Variants in SLC17A2 observed in about 807,000 individuals in gnomAD.
SLC17A2 encodes the protein sodium-dependent phosphate transport protein 3.
In SLC17A2, 38 loss-of-function variants were observed where a neutral mutation model predicts 52.1. That is an observed-to-expected ratio of 0.73 (90% CI 0.56 to 0.96). The LOEUF (loss-of-function observed/expected upper bound fraction) is 0.96, where lower values mean the gene tolerates loss of function less well. Among genes scored for constraint, SLC17A2 ranks in the 40% least tolerant of loss-of-function variants. The pLI, the probability that SLC17A2 is intolerant of heterozygous loss-of-function variation, is 0.00. For synonymous variants in SLC17A2, 226 were observed against 211.9 expected (o/e 1.07, Z -0.58); for missense variants, 508 against 583.9 (o/e 0.87, Z 1.34).
Position 25,921,138 on chromosome 6 carries a change from G to A in SLC17A2, c.474+41C>T, listed in dbSNP as rs773490597. 12 of 1,613,608 alleles carry A rather than the reference G, an allele frequency of 7.4e-6. No homozygotes were observed. The South Asian group carries it at 1.2e-4, about 16-fold the overall frequency. ...GACCTTTGATATTTTGTAGAATTCA[G>A]AAATCTGGATCCCACCAAGAATGAG... On this transcript the variant is annotated intron_variant, in intron 4 of 11. Transcript: ENST00000377850.
intron 5 of SLC17A2, among the ~76,000 whole-genome samples, chr6:25,920,695 T>C (rs1766517969): frequency 6.6e-6 from 1 of 152,194 alleles, no homozygotes; most frequent in South Asian, 2.1e-4. Flanking sequence ...GCTTACTTGA[T>C]CTTTTTCCAT....
intron 5 of SLC17A2, among the ~76,000 whole-genome samples, chr6:25,919,321 A>C (rs9467636): frequency 0.35 from 53,412 of 151,920 alleles, 10,485 homozygotes; most frequent in East Asian, 0.71. Context: ...TCCCAAACTG[A>C]AATTTGAAAA....
chr6:25,925,712 T>C, intron 2 of SLC17A2, 57 bp downstream of exon 2: 1 of 1,482,072 alleles, frequency 6.7e-7, no homozygotes. Context: ...TGTGTAAATG[T>C]GTCGGAATAA....
chr6:25,922,027 A>G (rs1376940223), intron 3 of SLC17A2, among the ~76,000 whole-genome samples: 1 of 151,318 alleles, frequency 6.6e-6, no homozygotes, highest in African/African-American at 2.4e-5. Flanking sequence ...AATAGATTTT[A>G]AAATAAATAA....
intron 10 of SLC17A2, 147 bp downstream of exon 10, chr6:25,915,350 TAA>T: frequency 1.4e-6 from 1 of 721,660 alleles, no homozygotes; most frequent in Non-Finnish European, 2.1e-6. Flanking sequence ...TTTGTTGTTC[TAA>T]AAATGGCCAC....
In SLC17A2 at chr6:25,921,379, C is replaced by A. The variant is rs759878101; in HGVS notation, c.274G>T (p.Gly92Cys). ...SVYQWSPETQ[G>C]IIFSSINYGI... ...TAGTTGATGGAGCTAAAGATGATAC[C>A]CTGAGTTTCTGGGCTCCATTGATAC... The change falls in exon 4 of 12, where the codon GGT (glycine) becomes TGT (cysteine). Residue 92 changes from glycine (G) to cysteine (C), a missense_variant. Coordinates refer to ENST00000377850, the MANE Select transcript of SLC17A2 (RefSeq NM_001286123.3). 3.7e-6 allele frequency: 6 copies of A among 1,613,950 alleles called. No individual in the cohort carries two copies. The highest frequency in any genetic ancestry group is 8.5e-7 in the Non-Finnish European group (1 of 1,179,950).
At position 25,913,188 on chromosome 6, in the gene SLC17A2, C is replaced by G; in HGVS notation, c.*129G>C. The G allele has an allele frequency of 4.1e-6, 4 of 985,646 alleles. No homozygotes were observed. The highest frequency in any genetic ancestry group is 6.3e-6 in the Non-Finnish European group (4 of 634,090). The allele number at this position is 985,646 out of a possible 1,614,324, so 61.1% of individuals were successfully genotyped here. On this transcript the variant is annotated 3_prime_UTR_variant, in exon 12 of 12. Transcript: ENST00000377850. The stretch of plus-strand genomic sequence containing the variant: ...CAAGTATCAGTGTCTTATAAAGGCT[C>G]CCCAGGGAAGACTAACACACAGCCA...
rs779250432 is a variant in SLC17A2 at position 25,915,534 on chromosome 6, T to A, written c.1176A>T (p.Ser392=). ...TATCTAAGGTGTTGATGATAAACCC[T>A]GAGTCACATAGGTTACTGGTCCCAG... The part of the protein sequence containing the change: ...LIPGTSNLCD[S]GFIINTLDIA... Residue 392 remains serine, a synonymous_variant, in exon 10 of 12, where the codon TCA becomes TCT. Coordinates refer to ENST00000377850, the MANE Select transcript of SLC17A2 (RefSeq NM_001286123.3). 2.6e-6 allele frequency: 4 copies of A among 1,567,238 alleles called. No homozygotes were observed. The highest frequency in any genetic ancestry group is 3.5e-6 in the Non-Finnish European group (4 of 1,156,332).
At chr6:25,916,071 A>G (rs1766304636) in intron 8 of SLC17A2, among the ~76,000 whole-genome samples, 1 of 152,086 alleles carries the variant, frequency 6.6e-6, no homozygotes. Context: ...GATAAAAGCA[A>G]TATTAATTTC....
At position 25,921,184 on chromosome 6, in the gene SLC17A2, C is replaced by A; in HGVS notation, c.469G>T (p.Ala157Ser). 6.2e-7 allele frequency: 1 copy of A among 1,614,030 alleles called. No homozygotes were observed. The highest frequency in any genetic ancestry group is 8.5e-7 in the Non-Finnish European group (1 of 1,179,960). The change falls in exon 4 of 12, where the codon GCC becomes TCC. Residue 157 changes from alanine (A) to serine (S), a missense_variant. Coordinates refer to ENST00000377850, the MANE Select transcript of SLC17A2 (RefSeq NM_001286123.3). ...VIMVRTVQGM[A>S]QGMAWTGQFT... ...ATGAGAAAGTATCTGGATACCTGGG[C>A]CATGCCCTGGACTGTCCGAACCATG...
chr6:25,914,673 G>T lies in SLC17A2; in HGVS notation c.1212-3C>A, dbSNP rs2071298. 2 of 1,576,702 alleles carry T rather than the reference G, an allele frequency of 1.3e-6. No individual in the cohort carries two copies. Among genetic ancestry groups the T allele is most frequent in the Admixed American group, 1.7e-5 (1 of 59,684 alleles). ...TTCCCATGAGGAAACTTGCATATCT[G>T]TGGGAAGATGATTTTATAAATGATT... On this transcript the variant is annotated splice_polypyrimidine_tract_variant and splice_region_variant and intron_variant, in intron 10 of 11. Coordinates refer to ENST00000377850, the MANE Select transcript of SLC17A2 (RefSeq NM_001286123.3).
chr6:25,919,725 A>AAAAAAAAAAAAAAAAAAAAAAC (rs1766477615), intron 5 of SLC17A2, among the ~76,000 whole-genome samples: 1 of 149,598 alleles, frequency 6.7e-6, no homozygotes, highest in Non-Finnish European at 1.5e-5. Flanking sequence ...AAAAAAAAAA[A>AAAAAAAAAAAAAAAAAAAAAAC]AAGGTTTAGG....
intron 3 of SLC17A2, 51 bp downstream of exon 3, chr6:25,923,644 C>T: frequency 1.4e-6 from 2 of 1,408,322 alleles, no homozygotes; most frequent in South Asian, 1.2e-5. Context: ...CTATGCCTTC[C>T]TTTCAAAGTT....
intron 11 of SLC17A2, 116 bp from the exon 12 acceptor site, chr6:25,913,567 T>A (rs72832564): frequency 7.3e-6 from 7 of 956,836 alleles, no homozygotes; most frequent in Non-Finnish European, 1.1e-5. Flanking sequence ...AGGAACAATG[T>A]GCAGTAGTTA....
At chr6:25,913,919 T>A (rs1401620567) in intron 11 of SLC17A2, among the ~76,000 whole-genome samples, 1 of 152,184 alleles carries the variant, frequency 6.6e-6, no homozygotes. Context: ...CCCTACTAAG[T>A]CATTTCCAGC....
At chr6:25,927,345 A>G (rs1032835613) in intron 1 of SLC17A2, among the ~76,000 whole-genome samples, 4 of 152,222 alleles carry the variant, frequency 2.6e-5, no homozygotes, top group Non-Finnish European at 1.5e-5. Flanking sequence ...GATGGAAGCT[A>G]TTTTAAAATG....
intron 5 of SLC17A2, among the ~76,000 whole-genome samples, 171 bp downstream of exon 5, chr6:25,920,835 T>G (rs1468293121): frequency 6.6e-6 from 1 of 152,246 alleles, no homozygotes. Context: ...TAAGCTTCAA[T>G]GTCTTTACTG....
intron 5 of SLC17A2, among the ~76,000 whole-genome samples, chr6:25,920,062 C>T (rs1451029853): frequency 6.6e-6 from 1 of 152,166 alleles, no homozygotes; most frequent in Non-Finnish European, 1.5e-5. Flanking sequence ...AGCAAGCTAA[C>T]TTGGTTTTGG....
Position 25,921,332 on chromosome 6 carries a change from G to A in SLC17A2, c.321C>T (p.Ile107=). The A allele has an allele frequency of 6.2e-7, 1 of 1,614,124 alleles. No homozygotes were observed. The highest frequency in any genetic ancestry group is 8.5e-7 in the Non-Finnish European group (1 of 1,180,018). The change falls in exon 4 of 12, where the codon ATC becomes ATT. Residue 107 remains isoleucine, a synonymous_variant. Transcript: ENST00000377850. The stretch of plus-strand genomic sequence containing the variant: ...ATATCCCTGCTAAATATCCACTTGG[G>A]ATCAGAGTCAGTATTATCCCATAGT... ...SINYGIILTL[I]PSGYLAGIFG... is the part of the protein sequence containing the mutation.
Sources: gnomAD v4.1 joint callset for allele counts (sites outside exome capture counted in the v4.1 genomes callset) on GRCh38, gnomAD v4.1.1 for gene constraint, MANE v1.5 for transcripts, NCBI Gene and HGNC (gene_info 2026-07-23, HGNC 2026-07-21) for gene names.